The following SPECC1L variants were observed in gnomAD, a reference collection of about 807,000 sequenced individuals.
SPECC1L encodes the protein cytospin-A.
A neutral mutation model predicts 116.8 loss-of-function variants in SPECC1L; 40 were observed. The observed-to-expected ratio is 0.34, with a 90% CI of 0.27 to 0.45. The LOEUF (loss-of-function observed/expected upper bound fraction) is 0.45, where lower values mean the gene tolerates loss of function less well. SPECC1L is among the 20% of genes least tolerant of loss of function. The pLI, the probability that SPECC1L is intolerant of heterozygous loss-of-function variation, is 1.00. For synonymous variants in SPECC1L, 504 were observed against 500.6 expected, an observed-to-expected ratio of 1.01 and a Z score of -0.09; for missense variants, 1,110 against 1,373.6, an observed-to-expected ratio of 0.81 and a Z score of 3.03.
At chr22:24,311,251 G>A (rs2040455329) in intron 3 of SPECC1L, among the ~76,000 whole-genome samples, 1 of 152,230 alleles carries the variant, frequency 6.6e-6, no homozygotes, top group Admixed American at 6.5e-5. Flanking sequence ...ACATGACAAT[G>A]TAGGGTGGTT....
At chr22:24,276,244 T>A (rs1206136258) in intron 1 of SPECC1L, among the ~76,000 whole-genome samples, 1 of 152,056 alleles carries the variant, frequency 6.6e-6, no homozygotes, top group Non-Finnish European at 1.5e-5. Flanking sequence ...GCCAGGTGTA[T>A]GTACCCTAGA....
chr22:24,340,140 CTTTTTTTTTTTT>C (rs765402107), intron 10 of SPECC1L, among the ~76,000 whole-genome samples: 7 of 105,138 alleles, frequency 6.7e-5, no homozygotes, highest in South Asian at 7.2e-4. Flanking sequence ...ATTTAATGAC[CTTTTTTTTTTTT>C]TTTTTTTTTT....
rs943421752 is a variant in SPECC1L at position 24,417,167 on chromosome 22, C to T, written c.*2544C>T. 3 of 152,600 alleles carry T rather than the reference C, an allele frequency of 2.0e-5. No homozygotes were observed. Among genetic ancestry groups the T allele is most frequent in the Non-Finnish European group, 2.9e-5 (2 of 68,038 alleles). The allele number at this position is 152,600 out of a possible 1,614,324, so 9.5% of individuals were successfully genotyped here. ...GGGCCAGTCGCGTTTCTATTTCTCT[C>T]GATCCCAGGCTTCTGCGGACCGACG... On this transcript the variant is annotated 3_prime_UTR_variant, in exon 17 of 17. Coordinates refer to ENST00000314328, the MANE Select transcript of SPECC1L (RefSeq NM_015330.6).
intron 11 of SPECC1L, among the ~76,000 whole-genome samples, chr22:24,355,692 A>G (rs1173823807): frequency 6.6e-6 from 1 of 152,158 alleles, no homozygotes; most frequent in African/African-American, 2.4e-5. Flanking sequence ...ATACATATAC[A>G]AAGTTACTTA....
chr22:24,374,414 C>T (rs1380239859), intron 14 of SPECC1L, among the ~76,000 whole-genome samples: 1 of 151,950 alleles, frequency 6.6e-6, no homozygotes, highest in Non-Finnish European at 1.5e-5. Flanking sequence ...AAATGTGGCA[C>T]ATATACACCA....
rs1016008966 is a variant in SPECC1L at position 24,390,872 on chromosome 22, C to CTTTTTT, written c.3088-20695_3088-20690dup. 3.5e-3 allele frequency among the ~76,000 whole-genome samples: 202 copies of CTTTTTT among 57,106 alleles called. 2 individuals carry two copies. Among genetic ancestry groups the CTTTTTT allele is most frequent in the African/African-American group, 3.8e-3 (50 of 13,206 alleles). The allele number at this position is 57,106 out of a possible 152,430, so 37.5% of individuals were successfully genotyped here. A position where few individuals can be genotyped will look rare whatever the true frequency, so the allele number is the denominator to read the frequency against. Reference sequence around the variant, plus strand: ...TGTTCCTTTTTTTTTTTTTTCTTTTCTTTTTTTTTTTTTTTTTTTTTTTTT... The same window carrying CTTTTTT: ...TGTTCCTTTTTTTTTTTTTTCTTTTCTTTTTTTTTTTTTTTTTTTTTTTTTTTTTTT... On this transcript the variant is annotated intron_variant, in intron 14 of 16. Coordinates refer to ENST00000314328, the MANE Select transcript of SPECC1L (RefSeq NM_015330.6).
intron 3 of SPECC1L, among the ~76,000 whole-genome samples, chr22:24,312,383 T>C (rs1186777224): frequency 6.6e-6 from 1 of 152,238 alleles, no homozygotes; most frequent in African/African-American, 2.4e-5. Context: ...CTTTAGAGAT[T>C]AGTTACTTAT....
intron 14 of SPECC1L, among the ~76,000 whole-genome samples, chr22:24,404,548 G>A (rs1208338949): frequency 6.6e-6 from 1 of 152,128 alleles, no homozygotes; most frequent in Non-Finnish European, 1.5e-5. Flanking sequence ...CCAGTCTGTT[G>A]CCAAGTCTAG....
intron 14 of SPECC1L, among the ~76,000 whole-genome samples, chr22:24,369,829 T>A (rs1754483095): frequency 1.3e-5 from 2 of 152,270 alleles, no homozygotes; most frequent in South Asian, 4.1e-4. Context: ...ATGCTTTTTT[T>A]AAGTTACGTT....
chr22:24,373,516 A>G (rs976079029), intron 14 of SPECC1L, among the ~76,000 whole-genome samples: 1 of 152,186 alleles, frequency 6.6e-6, no homozygotes, highest in African/African-American at 2.4e-5. Context: ...CAAAAACAAG[A>G]AATGGGGAAA....
In SPECC1L at chr22:24,416,203, T is replaced by A. The variant is rs1285325552; in HGVS notation, c.*1580T>A. The A allele has an allele frequency of 6.6e-6, 1 of 152,286 alleles. No homozygotes were observed. The highest frequency in any genetic ancestry group is 1.5e-5 in the Non-Finnish European group (1 of 68,058). The allele number at this position is 152,286 out of a possible 1,614,324, so 9.4% of individuals were successfully genotyped here. On this transcript the variant is annotated 3_prime_UTR_variant, in exon 17 of 17. Coordinates refer to ENST00000314328, the MANE Select transcript of SPECC1L (RefSeq NM_015330.6). Reference sequence around the variant, plus strand: ...AAGGGGCTGTGCATGTGGGTGCAGCTGGCGGCACACCTGGTCACCAGATGG... The same window carrying A: ...AAGGGGCTGTGCATGTGGGTGCAGCAGGCGGCACACCTGGTCACCAGATGG...
At chr22:24,356,516 G>A (rs1020749238) in intron 11 of SPECC1L, among the ~76,000 whole-genome samples, 2 of 151,960 alleles carry the variant, frequency 1.3e-5, no homozygotes, top group Non-Finnish European at 2.9e-5. Flanking sequence ...TGCTTGCATG[G>A]TATATTTTTT....
chr22:24,352,045 A>G (rs977815902), intron 11 of SPECC1L, among the ~76,000 whole-genome samples: 13 of 151,556 alleles, frequency 8.6e-5, no homozygotes, highest in Non-Finnish European at 4.4e-5. Flanking sequence ...TAAATCTATT[A>G]TCCTTTAGCA....
At chr22:24,352,992 A>T (rs534909971) in intron 11 of SPECC1L, among the ~76,000 whole-genome samples, 1 of 152,188 alleles carries the variant, frequency 6.6e-6, no homozygotes, top group Non-Finnish European at 1.5e-5. Context: ...ACCCTTCAGC[A>T]TGCATATCAG....
chr22:24,399,949 C>T (rs1244905484), intron 14 of SPECC1L, among the ~76,000 whole-genome samples: 1 of 152,180 alleles, frequency 6.6e-6, no homozygotes, highest in Non-Finnish European at 1.5e-5. Flanking sequence ...GCTCATGCAT[C>T]ATCTGAGTTT....
At chr22:24,385,062 CAAAAAAA>C (rs36080329) in intron 14 of SPECC1L, among the ~76,000 whole-genome samples, 17 of 78,082 alleles carry the variant, frequency 2.2e-4, no homozygotes, top group Non-Finnish European at 4.4e-4. Flanking sequence ...AACTCCGTCT[CAAAAAAA>C]AAAAAAAGAA....
At position 24,334,568 on chromosome 22, in the gene SPECC1L, C is replaced by G. The variant is rs972937290; in HGVS notation, c.2555C>G (p.Ser852Cys). 6 of 1,614,110 alleles carry G rather than the reference C, an allele frequency of 3.7e-6. No individual in the cohort carries two copies. The highest frequency in any genetic ancestry group is 3.4e-6 in the Non-Finnish European group (4 of 1,179,994). The part of the protein sequence containing the change: ...KTLIKSFDSA[S>C]QVPNPAAAAI... The stretch of plus-strand genomic sequence containing the variant: ...CTCATCAAGTCCTTTGACAGTGCAT[C>G]TCAAGGTAATTAATTTCTCCTACAT... Residue 852 changes from serine (S) to cysteine (C), a missense_variant, in exon 9 of 17, where the codon TCT (serine) becomes TGT (cysteine). Ser to Cys is a moderately radical substitution (Grantham distance 112). This residue lies in a region of SPECC1L where 575 missense variants were observed against 682.4 expected (regional missense o/e 0.84). Coordinates refer to ENST00000314328, the MANE Select transcript of SPECC1L (RefSeq NM_015330.6).
At chr22:24,289,361 G>GTTAA (rs1364334519) in intron 2 of SPECC1L, among the ~76,000 whole-genome samples, 8 of 152,230 alleles carry the variant, frequency 5.3e-5, no homozygotes, top group Non-Finnish European at 7.3e-5. Context: ...TGTCTGGAAT[G>GTTAA]TTAAGTGTTG....
At chr22:24,357,509 G>A (rs2041555656) in intron 11 of SPECC1L, among the ~76,000 whole-genome samples, 1 of 152,152 alleles carries the variant, frequency 6.6e-6, no homozygotes. Context: ...GTAGTGAGCT[G>A]GGTATGTTGG....
Sources: allele counts gnomAD v4.1 joint callset (sites outside exome capture counted in the v4.1 genomes callset), GRCh38; gene constraint gnomAD v4.1.1; regional missense constraint gnomAD v4.1.1; transcripts MANE v1.5; gene names NCBI Gene and HGNC (gene_info 2026-07-23, HGNC 2026-07-21).